Variants in CCDC192 observed in about 807,000 individuals in gnomAD.
CCDC192 encodes coiled-coil domain containing 192.
chr5:127,759,456 G>A (rs1754791728), intron 3 of CCDC192, among the ~76,000 whole-genome samples: 1 of 152,066 alleles, frequency 6.6e-6, no homozygotes, highest in Non-Finnish European at 1.5e-5. Flanking sequence ...GACAGAGCAA[G>A]AAGCTGCCAT....
intron 2 of CCDC192, among the ~76,000 whole-genome samples, chr5:127,751,562 T>G (rs1456468591): frequency 6.6e-6 from 1 of 152,206 alleles, no homozygotes; most frequent in African/African-American, 2.4e-5. Context: ...TTCCTTCATT[T>G]CAACTTTGGT....
intron 5 of CCDC192, among the ~76,000 whole-genome samples, chr5:127,852,652 TC>T (rs1160183868): frequency 6.6e-6 from 1 of 152,164 alleles, no homozygotes; most frequent in Non-Finnish European, 1.5e-5. Flanking sequence ...GCAGCTATTC[TC>T]CCATAACAGG....
chr5:127,811,073 A>G (rs887010623), intron 5 of CCDC192, among the ~76,000 whole-genome samples: 1 of 152,228 alleles, frequency 6.6e-6, no homozygotes, highest in Non-Finnish European at 1.5e-5. Flanking sequence ...GCCTCTTTAC[A>G]TATAATTGCC....
At chr5:127,787,470 G>A (rs1462271736) in intron 3 of CCDC192, among the ~76,000 whole-genome samples, 1 of 152,126 alleles carries the variant, frequency 6.6e-6, no homozygotes, top group African/African-American at 2.4e-5. Context: ...AATTTGCCTT[G>A]TGATTTTTTC....
intron 5 of CCDC192, among the ~76,000 whole-genome samples, chr5:127,868,565 T>G (rs1282083224): frequency 6.6e-6 from 1 of 152,170 alleles, no homozygotes; most frequent in Non-Finnish European, 1.5e-5. Flanking sequence ...CTGCTTTCCC[T>G]TGCTTTAAAA....
chr5:127,856,131 G>C (rs1751081129), intron 5 of CCDC192, among the ~76,000 whole-genome samples: 1 of 152,192 alleles, frequency 6.6e-6, no homozygotes, highest in South Asian at 2.1e-4. Flanking sequence ...TGTCACCATT[G>C]AAAATCTGTT....
intron 5 of CCDC192, among the ~76,000 whole-genome samples, chr5:127,849,369 G>A (rs974982985): frequency 4.6e-5 from 7 of 152,098 alleles, no homozygotes; most frequent in Middle Eastern, 3.4e-3. Context: ...AGCCACAGGG[G>A]ATAGAGGCTG....
upstream of CCDC192, chr5:127,703,270 T>C: frequency 2.6e-6 from 1 of 389,670 alleles, no homozygotes; most frequent in Non-Finnish European, 4.5e-6. Flanking sequence ...GAGAGGTTAC[T>C]GCAGCTTTGT....
At position 127,901,736 on chromosome 5, in the gene CCDC192, A is replaced by G. The variant is rs143503924; in HGVS notation, c.535+26075A>G. 5.7e-3 allele frequency among the ~76,000 whole-genome samples: 874 copies of G among 152,304 alleles called. 6 individuals carry two copies. Among genetic ancestry groups the G allele is most frequent in the African/African-American group, 0.02 (839 of 41,568 alleles). ...TCCACACATGTTTGAAGGTTCATCTATATTTTAAAGGCTGCTGGTCCTCCC... is the reference window on the plus strand; with the variant it reads ...TCCACACATGTTTGAAGGTTCATCTGTATTTTAAAGGCTGCTGGTCCTCCC... On this transcript the variant is annotated intron_variant, in intron 6 of 6. Coordinates refer to ENST00000514853, the MANE Select transcript of CCDC192 (RefSeq NM_001317938.2).
chr5:127,794,406 A>G (rs1461653621), intron 3 of CCDC192, among the ~76,000 whole-genome samples: 1 of 152,236 alleles, frequency 6.6e-6, no homozygotes, highest in Non-Finnish European at 1.5e-5. Context: ...AATGGGAGCT[A>G]TAATAGAATG....
rs551016691 is a variant in CCDC192, at chr5:127,846,819, C to CAA, written c.412-28694_412-28693dup. On this transcript the variant is annotated intron_variant, in intron 5 of 6. Coordinates refer to ENST00000514853, the MANE Select transcript of CCDC192 (RefSeq NM_001317938.2). ...GTTTCCATTCACCTAGTCAATAAAG[C>CAA]AAAAAAAAAAAAAAAAAAAAAAAAA... Among the ~76,000 whole-genome samples, 160 of 63,672 alleles carry CAA rather than the reference C, an allele frequency of 2.5e-3. 4 individuals carry two copies. Among genetic ancestry groups the CAA allele is most frequent in the Admixed American group, 4.5e-3 (21 of 4,678 alleles). 41.8% of individuals were successfully genotyped at this position (63,672 alleles called of 152,430 possible). A position where few individuals can be genotyped will look rare whatever the true frequency, so the allele number is the denominator to read the frequency against.
chr5:127,767,636 T>C (rs1288480552), intron 3 of CCDC192, among the ~76,000 whole-genome samples: 1 of 152,218 alleles, frequency 6.6e-6, no homozygotes, highest in African/African-American at 2.4e-5. Flanking sequence ...CTCTCTGGTA[T>C]TCTTTATCTA....
intron 5 of CCDC192, among the ~76,000 whole-genome samples, chr5:127,847,363 C>T (rs777789040): frequency 5.1e-4 from 78 of 152,094 alleles, no homozygotes; most frequent in Admixed American, 8.5e-4. Flanking sequence ...GTGAATAGTC[C>T]GTTATATTTT....
chr5:127,705,128 T>C (rs1367708294), intron 1 of CCDC192, among the ~76,000 whole-genome samples: 1 of 152,184 alleles, frequency 6.6e-6, no homozygotes, highest in Non-Finnish European at 1.5e-5. Flanking sequence ...TTTATAAACA[T>C]ATTTGTTAAT....
chr5:127,706,742 C>T (rs946924404), intron 1 of CCDC192, among the ~76,000 whole-genome samples: 8 of 151,866 alleles, frequency 5.3e-5, no homozygotes, highest in African/African-American at 1.9e-4. Flanking sequence ...TGGGAGATGA[C>T]ACAAAAAATA....
chr5:127,723,630 G>C (rs1357523977), intron 2 of CCDC192, among the ~76,000 whole-genome samples: 1 of 152,308 alleles, frequency 6.6e-6, no homozygotes, highest in African/African-American at 2.4e-5. Context: ...GATATCATTC[G>C]AAGGGGTTAG....
chr5:127,753,020 C>T (rs1754319012), intron 2 of CCDC192, among the ~76,000 whole-genome samples: 1 of 152,176 alleles, frequency 6.6e-6, no homozygotes, highest in Non-Finnish European at 1.5e-5. Context: ...TCTGGCACTC[C>T]CTAGTGAGAT....
chr5:127,881,951 C>T (rs1156242620), intron 6 of CCDC192, among the ~76,000 whole-genome samples: 4 of 152,152 alleles, frequency 2.6e-5, no homozygotes, highest in East Asian at 1.9e-4. Flanking sequence ...TCCTTGTGAC[C>T]GGTTGTGGTG....
chr5:127,792,456 T>C (rs2126957620), intron 3 of CCDC192, among the ~76,000 whole-genome samples: 1 of 151,654 alleles, frequency 6.6e-6, no homozygotes, highest in East Asian at 1.9e-4. Context: ...TCCAATGACA[T>C]GTGGATTATA....
Sources: gnomAD v4.1 joint callset for allele counts (sites outside exome capture counted in the v4.1 genomes callset) on GRCh38, gnomAD v4.1.1 for gene constraint, MANE v1.5 for transcripts, NCBI Gene and HGNC (gene_info 2026-07-23, HGNC 2026-07-21) for gene names.